RPL4: variants seen among roughly 807,000 people sequenced by gnomAD.
RPL4 encodes large ribosomal subunit protein uL4.
A neutral mutation model predicts 47.7 loss-of-function variants in RPL4; 3 were observed. The ratio of observed to expected loss-of-function variants is 0.06; its 90% CI spans 0.03 to 0.16. The LOEUF (loss-of-function observed/expected upper bound fraction) is 0.16. Ranked by LOEUF, RPL4 falls within the 10% of genes least tolerant of loss-of-function variation. The pLI, the probability that RPL4 is intolerant of heterozygous loss-of-function variation, is 1.00. For missense variants in RPL4, 413 were observed against 551.3 expected, an observed-to-expected ratio of 0.75 and a Z score of 2.51; for synonymous variants, 208 against 182.1, an observed-to-expected ratio of 1.14 and a Z score of -1.15.
intron 7 of RPL4, chr15:66,500,626 T>A: frequency 1.8e-6 from 1 of 545,054 alleles, no homozygotes; most frequent in Non-Finnish European, 3.2e-6. Flanking sequence ...AAACCCCAAC[T>A]CTACAATTAG....
chr15:66,501,523 T>G lies in RPL4; in HGVS notation c.547-19A>C. The G allele has an allele frequency of 6.2e-7, 1 of 1,613,696 alleles. No individual in the cohort carries two copies. The highest frequency in any genetic ancestry group is 8.5e-7 in the Non-Finnish European group (1 of 1,179,944). On this transcript the variant is annotated intron_variant, in intron 5 of 9. Coordinates refer to ENST00000307961, the MANE Select transcript of RPL4 (RefSeq NM_000968.4). ...CATAGACCTACAAAGTGAGCAGTTT[T>G]AGTATTCTGATTAAGATAGAATCTC...
chr15:66,498,028 T>C lies in RPL4; in HGVS notation c.*1379A>G, dbSNP rs2140708170. The C allele has an allele frequency of 4.8e-6, 2 of 415,410 alleles. No individual in the cohort carries two copies. The highest frequency in any genetic ancestry group is 7.8e-5 in the East Asian group (2 of 25,556). 25.7% of individuals were successfully genotyped at this position (415,410 alleles called of 1,614,324 possible). ...CCTGAAGAAATCTTGGGTTTGGCTA[T>C]CCTTTAATCCGATAGGCCATTTGCG... On this transcript the variant is annotated 3_prime_UTR_variant, in exon 10 of 10. Transcript: ENST00000307961.
At chr15:66,503,027 G>T (rs1295792786) in intron 3 of RPL4, 31 bp downstream of exon 3, 5 of 1,576,700 alleles carry the variant, frequency 3.2e-6, no homozygotes, top group Middle Eastern at 3.4e-4. Context: ...CATCAGAGAT[G>T]ACCAGTCTTA....
At chr15:66,500,786 A>G in intron 7 of RPL4, 163 bp downstream of exon 7, 2 of 804,848 alleles carry the variant, frequency 2.5e-6, no homozygotes, top group South Asian at 1.9e-5. Flanking sequence ...TGTCTCAAAA[A>G]CAAAACAAAA....
rs1452390382 is a variant in RPL4, at chr15:66,500,277, CTAAG to C, written c.917+12_917+15del. ...ATAGGGTTGGGGCGAGAATTACACT[CTAAG>C]TATCACTTTACCGTGGTGCTCGAAG... On this transcript the variant is annotated intron_variant, in intron 8 of 9. Coordinates refer to ENST00000307961, the MANE Select transcript of RPL4 (RefSeq NM_000968.4). The C allele has an allele frequency of 1.9e-6, 3 of 1,613,856 alleles. No homozygotes were observed. Among genetic ancestry groups the C allele is most frequent in the African/African-American group, 2.7e-5 (2 of 74,916 alleles).
intron 2 of RPL4, 80 bp from the exon 3 acceptor site, chr15:66,503,244 G>T: frequency 1.3e-6 from 2 of 1,581,934 alleles, no homozygotes; most frequent in Non-Finnish European, 1.7e-6. Flanking sequence ...GTAGCAAACA[G>T]CATCAGAACA....
intron 5 of RPL4, 58 bp downstream of exon 5, chr15:66,501,730 C>A: frequency 6.3e-7 from 1 of 1,590,508 alleles, no homozygotes; most frequent in South Asian, 1.2e-5. Flanking sequence ...TTCTGAAATT[C>A]AAAGTGACAA....
chr15:66,501,745 T>C (rs1893620308), intron 5 of RPL4, 43 bp downstream of exon 5: 1 of 1,599,024 alleles, frequency 6.3e-7, no homozygotes, highest in Non-Finnish European at 8.5e-7. Flanking sequence ...TGACAAACTG[T>C]GAACAAGGAG....
chr15:66,499,296 C>A lies in RPL4; in HGVS notation c.*111G>T. 7.3e-7 allele frequency: 1 copy of A among 1,375,216 alleles called. No individual in the cohort carries two copies. Among genetic ancestry groups the A allele is most frequent in the Non-Finnish European group, 9.9e-7 (1 of 1,014,820 alleles). 85.2% of individuals were successfully genotyped at this position (1,375,216 alleles called of 1,614,324 possible). ...TCACTTTAAAAAAATTCTAACCAAGCTTTACAGAGCACACCAAGTCATGTT... is the reference window on the plus strand; with the variant it reads ...TCACTTTAAAAAAATTCTAACCAAGATTTACAGAGCACACCAAGTCATGTT... On this transcript the variant is annotated 3_prime_UTR_variant, in exon 10 of 10. Transcript: ENST00000307961.
rs372189176 is a variant in RPL4 at position 66,501,778 on chromosome 15, T to A, written c.546+10A>T. 2.5e-6 allele frequency: 4 copies of A among 1,606,220 alleles called. No individual in the cohort carries two copies. The highest frequency in any genetic ancestry group is 1.7e-5 in the Admixed American group (1 of 58,398). On this transcript the variant is annotated intron_variant, in intron 5 of 9. Coordinates refer to ENST00000307961, the MANE Select transcript of RPL4 (RefSeq NM_000968.4). ...GAGTACCAAACTGTAAATGTGCTCATTGAACGGACCTTTTTGATATCATTC... is the reference window on the plus strand; with the variant it reads ...GAGTACCAAACTGTAAATGTGCTCAATGAACGGACCTTTTTGATATCATTC...
chr15:66,501,267 A>T (rs1893606923), intron 6 of RPL4, 108 bp downstream of exon 6: 1 of 1,583,078 alleles, frequency 6.3e-7, no homozygotes, highest in East Asian at 2.2e-5. Context: ...GAACTTCCAC[A>T]AAATCATTTG....
At chr15:66,504,580 G>A (rs571626884) in intron 1 of RPL4, among the ~76,000 whole-genome samples, 1 of 152,226 alleles carries the variant, frequency 6.6e-6, no homozygotes, top group Admixed American at 6.5e-5. Flanking sequence ...ACTGCTTCCC[G>A]GCGCGTCCTG....
intron 9 of RPL4, 47 bp downstream of exon 9, chr15:66,500,005 AGAGC>A: frequency 1.2e-6 from 2 of 1,606,312 alleles, no homozygotes; most frequent in African/African-American, 1.3e-5. Flanking sequence ...CCTGGGTGAC[AGAGC>A]GAGATTCCGA....
chr15:66,504,809 C>A lies in RPL4; in HGVS notation c.-19G>T. On this transcript the variant is annotated 5_prime_UTR_variant, in exon 1 of 10. Coordinates refer to ENST00000307961, the MANE Select transcript of RPL4 (RefSeq NM_000968.4). Reference sequence around the variant, plus strand: ...TCACCATGGCGGAGAGAGGAGACAGCCACGCTCCTCTCAGCCCGGCTGCTG... The same window carrying A: ...TCACCATGGCGGAGAGAGGAGACAGACACGCTCCTCTCAGCCCGGCTGCTG... The A allele has an allele frequency of 2.5e-6, 4 of 1,611,126 alleles. No individual in the cohort carries two copies. The highest frequency in any genetic ancestry group is 3.4e-6 in the Non-Finnish European group (4 of 1,179,210).
rs185224047 is a variant in RPL4, at chr15:66,499,781, T to G, written c.1039-129A>C. Reference sequence around the variant, plus strand: ...GCTCACGCCTGTAATCCCAGCACTTTGGGAGGCCGAGGCAGGTGAATCACC... The same window carrying G: ...GCTCACGCCTGTAATCCCAGCACTTGGGGAGGCCGAGGCAGGTGAATCACC... On this transcript the variant is annotated intron_variant, in intron 9 of 9. Transcript: ENST00000307961. 6.3e-4 allele frequency: 831 copies of G among 1,317,218 alleles called. 9 individuals carry two copies. In the African/African-American group the frequency reaches 9.4e-3, roughly 15 times the overall value. 81.6% of individuals were successfully genotyped at this position (1,317,218 alleles called of 1,614,324 possible).
rs921314955 is a variant in RPL4, at chr15:66,498,123, G to A, written c.*1284C>T. 2 of 230,190 alleles carry A rather than the reference G, an allele frequency of 8.7e-6. No individual in the cohort carries two copies. The highest frequency in any genetic ancestry group is 7.2e-5 in the South Asian group (1 of 13,804). The allele number at this position is 230,190 out of a possible 1,614,324, so 14.3% of individuals were successfully genotyped here. A position where few individuals can be genotyped will look rare whatever the true frequency, so the allele number is the denominator to read the frequency against. On this transcript the variant is annotated 3_prime_UTR_variant, in exon 10 of 10. Transcript: ENST00000307961. ...CTTCCAATGTGGTGTGCCACCAAGT[G>A]GCTATCTTTAACCCCACAAAACTTG...
chr15:66,498,583 A>ACAGG lies in RPL4; in HGVS notation c.*820_*823dup, dbSNP rs1893525934. ...TTGGTTAACATAATCACCAAGACAC[A>ACAGG]CAGGCAGTCCTGAAAAATGCTTCTG... On this transcript the variant is annotated 3_prime_UTR_variant, in exon 10 of 10. Transcript: ENST00000307961. The ACAGG allele has an allele frequency of 6.6e-6, 1 of 152,224 alleles. No individual in the cohort carries two copies. Among genetic ancestry groups the ACAGG allele is most frequent in the South Asian group, 2.1e-4 (1 of 4,830 alleles). The allele number at this position is 152,224 out of a possible 1,614,324, so 9.4% of individuals were successfully genotyped here.
At chr15:66,500,915 A>T in intron 7 of RPL4, 34 bp downstream of exon 7, 1 of 1,593,044 alleles carries the variant, frequency 6.3e-7, no homozygotes, top group Non-Finnish European at 8.6e-7. Context: ...TCCACAATAT[A>T]AACATCTGTG....
rs138828871 is a variant in RPL4, at chr15:66,501,907, G to A, written c.427C>T (p.Arg143Cys). 42 of 1,607,894 alleles carry A rather than the reference G, an allele frequency of 2.6e-5. No homozygotes were observed. Among genetic ancestry groups the A allele is most frequent in the Middle Eastern group, 3.8e-4 (2 of 5,304 alleles). The change falls in exon 5 of 10, where the codon CGT becomes TGT. Residue 143 changes from arginine (R) to cysteine (C), a missense_variant. By Grantham distance (180) the Arg-to-Cys change is radical (BLOSUM62 -3). Coordinates refer to ENST00000307961, the MANE Select transcript of RPL4 (RefSeq NM_000968.4). The part of the protein sequence containing the change: ...LPALVMSKGH[R>C]IEEVPELPLV... ...GGAAGTTCAGGAACTTCCTCAATAC[G>A]ATGACCTAACAAAAACCAATGACAC...
Sources: allele counts gnomAD v4.1 joint callset (sites outside exome capture counted in the v4.1 genomes callset), GRCh38; gene constraint gnomAD v4.1.1; transcripts MANE v1.5; gene names NCBI Gene and HGNC (gene_info 2026-07-23, HGNC 2026-07-21).